Variants in RASA3 observed in about 807,000 individuals in gnomAD.
RASA3 encodes ras GTPase-activating protein 3.
A neutral mutation model predicts 110.0 loss-of-function variants in RASA3; 73 were observed. That is an observed-to-expected ratio of 0.66 (90% CI 0.55 to 0.81). The LOEUF is 0.81. Ranked by LOEUF, RASA3 falls within the 30% of genes least tolerant of loss-of-function variation. The pLI, the probability that RASA3 is intolerant of heterozygous loss-of-function variation, is 0.00. For synonymous variants in RASA3, 500 were observed against 451.4 expected, an observed-to-expected ratio of 1.11 and a Z score of -1.37; for missense variants, 976 against 1,113.2, an observed-to-expected ratio of 0.88 and a Z score of 1.75.
chr13:114,127,870 A>C (rs2080470912), intron 1 of RASA3, among the ~76,000 whole-genome samples: 1 of 152,188 alleles, frequency 6.6e-6, no homozygotes, highest in African/African-American at 2.4e-5. Context: ...TCTCCACCTC[A>C]GTGCCGTGGA....
At chr13:114,088,554 A>C (rs2079848905) in intron 1 of RASA3, among the ~76,000 whole-genome samples, 1 of 20,196 alleles carries the variant, frequency 5.0e-5, no homozygotes, top group African/African-American at 8.3e-5. Flanking sequence ...TCCCAAATTA[A>C]TTTTTTTTTT....
intron 7 of RASA3, among the ~76,000 whole-genome samples, chr13:114,025,047 C>G (rs2054002228): frequency 6.6e-6 from 1 of 152,162 alleles, no homozygotes; most frequent in Non-Finnish European, 1.5e-5. Flanking sequence ...ACCTGGAGTT[C>G]CGATTTAACC....
chr13:114,013,894 T>A (rs1221153399), intron 14 of RASA3, among the ~76,000 whole-genome samples: 1 of 30,946 alleles, frequency 3.2e-5, no homozygotes, highest in Non-Finnish European at 5.8e-5. Flanking sequence ...GTCTCTCTCT[T>A]TTTCTCTCTT....
intron 2 of RASA3, among the ~76,000 whole-genome samples, chr13:114,059,155 T>A (rs1025109385): frequency 1.3e-5 from 2 of 152,182 alleles, no homozygotes; most frequent in African/African-American, 4.8e-5. Flanking sequence ...CCTGCCTGAG[T>A]GACAGGGCGA....
At position 113,981,817 on chromosome 13, in the gene RASA3, C is replaced by T. The variant is rs1194769637; in HGVS notation, c.2287G>A (p.Glu763Lys). The T allele has an allele frequency of 1.2e-6, 2 of 1,614,010 alleles. No homozygotes were observed. The highest frequency in any genetic ancestry group is 1.3e-5 in the African/African-American group (1 of 75,038). ...SKSVYDGPEQ[E>K]EYSTFVIDDP... is the part of the protein sequence containing the mutation. Reference sequence around the variant, plus strand: ...TCAATGACGAACGTCGAATACTCCTCCTGCTCCGGGCCGTCATACACAGAT... The same window carrying T: ...TCAATGACGAACGTCGAATACTCCTTCTGCTCCGGGCCGTCATACACAGAT... Residue 763 changes from glutamate (E) to lysine (K), a missense_variant, in exon 23 of 24, where the codon GAG becomes AAG. By Grantham distance (56) the Glu-to-Lys change is moderately conservative. Coordinates refer to ENST00000334062, the MANE Select transcript of RASA3 (RefSeq NM_007368.4).
chr13:114,046,331 T>C (rs113001731), intron 3 of RASA3, among the ~76,000 whole-genome samples: 21 of 152,070 alleles, frequency 1.4e-4, no homozygotes, highest in Non-Finnish European at 2.9e-4. Context: ...GAAAACAGTT[T>C]TATGGAGGCG....
rs574271800 is a variant in RASA3, at chr13:114,012,171, G to T, written c.1513-923C>A. Among the ~76,000 whole-genome samples, 255 of 152,102 alleles carry T rather than the reference G, an allele frequency of 1.7e-3. 2 individuals carry two copies. The highest frequency in any genetic ancestry group is 5.9e-3 in the African/African-American group (245 of 41,444). On this transcript the variant is annotated intron_variant, in intron 15 of 23. Transcript: ENST00000334062. Reference sequence around the variant, plus strand: ...GATGGGCAGGGGAGGAGAGCAGGGCGGTGACCAGCAGCTAAAACCCTGGAC... The same window carrying T: ...GATGGGCAGGGGAGGAGAGCAGGGCTGTGACCAGCAGCTAAAACCCTGGAC...
At chr13:114,013,082 A>C in intron 15 of RASA3, 60 bp downstream of exon 15, 1 of 1,466,890 alleles carries the variant, frequency 6.8e-7, no homozygotes, top group Admixed American at 2.0e-5. Context: ...CAGATGCCCC[A>C]ACCCAGGCCG....
intron 23 of RASA3, among the ~76,000 whole-genome samples, chr13:113,980,060 C>T (rs199702276): frequency 8.2e-6 from 1 of 121,832 alleles, no homozygotes; most frequent in African/African-American, 3.2e-5. Context: ...CTCCTGTGTG[C>T]ACCTCCTCCC....
At chr13:113,998,242 C>T (rs866646689) in intron 20 of RASA3, among the ~76,000 whole-genome samples, 1 of 152,252 alleles carries the variant, frequency 6.6e-6, no homozygotes. Context: ...TGAGCCCACA[C>T]CCTCCTCTTC....
rs151043192 is a variant in RASA3 at position 114,073,667 on chromosome 13, C to T, written c.173+53G>A. Reference sequence around the variant, plus strand: ...AGGTGACGTACACCCTTGGGACATTCTCTACACCAAAGAAAACACATCAGT... The same window carrying T: ...AGGTGACGTACACCCTTGGGACATTTTCTACACCAAAGAAAACACATCAGT... On this transcript the variant is annotated intron_variant, in intron 2 of 23. Coordinates refer to ENST00000334062, the MANE Select transcript of RASA3 (RefSeq NM_007368.4). 3.3e-4 allele frequency: 477 copies of T among 1,434,088 alleles called. 3 individuals carry two copies. The African/African-American group carries it at 6.1e-3, about 18-fold the overall frequency. 88.8% of individuals were successfully genotyped at this position (1,434,088 alleles called of 1,614,324 possible).
chr13:114,060,964 A>G (rs1335966653), intron 2 of RASA3, among the ~76,000 whole-genome samples: 3 of 149,362 alleles, frequency 2.0e-5, no homozygotes, highest in African/African-American at 7.4e-5. Flanking sequence ...CACAGCCGGC[A>G]GATGGAGCCC....
Position 114,057,526 on chromosome 13 carries a change from G to A in RASA3, c.174-5371C>T, listed in dbSNP as rs1047163000. 1 of 985,082 alleles carries A rather than the reference G, an allele frequency of 1.0e-6. No homozygotes were observed. The highest frequency in any genetic ancestry group is 1.2e-6 in the Non-Finnish European group (1 of 829,614). The allele number at this position is 985,082 out of a possible 1,614,324, so 61.0% of individuals were successfully genotyped here. On this transcript the variant is annotated intron_variant, in intron 2 of 23. Coordinates refer to ENST00000334062, the MANE Select transcript of RASA3 (RefSeq NM_007368.4). This position sits in a 1 kb window ranked among gnomAD's most constrained non-coding sequence, Gnocchi z 5.0. ...GCTTCTTAGACCGATGATTTATTTA[G>A]GGAATAAGAAGGGCGATTCCAGGGA... is the stretch of plus-strand genomic sequence containing the variant.
At chr13:114,060,642 G>A (rs566378240) in intron 2 of RASA3, among the ~76,000 whole-genome samples, 9 of 152,364 alleles carry the variant, frequency 5.9e-5, no homozygotes, top group East Asian at 3.9e-4. Context: ...GACACGCCCC[G>A]TTCCGCTCTG....
intron 21 of RASA3, among the ~76,000 whole-genome samples, chr13:113,994,318 C>T (rs4883666): frequency 0.71 from 107,581 of 152,086 alleles, 38,891 homozygotes; most frequent in African/African-American, 0.87. Flanking sequence ...AATTGTGTCA[C>T]TTATTCATGT....
intron 1 of RASA3, among the ~76,000 whole-genome samples, chr13:114,075,496 G>A (rs1457281379): frequency 2.2e-5 from 2 of 92,416 alleles, no homozygotes; most frequent in African/African-American, 7.7e-5. Context: ...CCGGCAGGAC[G>A]AAGCCTCCCG....
At chr13:113,998,504 A>C (rs971056088) in intron 20 of RASA3, among the ~76,000 whole-genome samples, 26 of 152,320 alleles carry the variant, frequency 1.7e-4, no homozygotes, top group Middle Eastern at 6.8e-3. Flanking sequence ...GGGGCACAGA[A>C]GGCTTGTCCC....
chr13:114,076,325 ACCT>A (rs1405263076), intron 1 of RASA3, among the ~76,000 whole-genome samples: 1 of 152,088 alleles, frequency 6.6e-6, no homozygotes, highest in Non-Finnish European at 1.5e-5. Flanking sequence ...CCCTCAGAAC[ACCT>A]CAACACGGCG....
At chr13:114,088,681 G>T (rs2139705954) in intron 1 of RASA3, among the ~76,000 whole-genome samples, 1 of 152,184 alleles carries the variant, frequency 6.6e-6, no homozygotes, top group African/African-American at 2.4e-5. Context: ...CTCCTGAGAA[G>T]TTGGGATTAC....
Sources: allele counts gnomAD v4.1 joint callset (sites outside exome capture counted in the v4.1 genomes callset), GRCh38; gene constraint gnomAD v4.1.1; non-coding constraint Gnocchi (gnomAD v3.1); transcripts MANE v1.5; gene names NCBI Gene and HGNC (gene_info 2026-07-23, HGNC 2026-07-21).